Variants in ADK observed in about 807,000 individuals in gnomAD.
ADK encodes N6,N6-dimethyladenosine kinase.
Under a neutral mutation model 44.7 loss-of-function variants are expected in ADK, and 24 were observed. That is an observed-to-expected ratio of 0.54 (90% CI 0.39 to 0.76). The LOEUF (loss-of-function observed/expected upper bound fraction) is 0.76, where lower values mean the gene tolerates loss of function less well. Among genes scored for constraint, ADK ranks in the 30% least tolerant of loss-of-function variants. The probability of loss-of-function intolerance (pLI) is 0.00; values close to 1 mark genes in which losing one functional copy is unlikely to be tolerated. For missense variants in ADK, 321 were observed against 425.1 expected (o/e 0.76, Z 2.15); for synonymous variants, 128 against 142.6 (o/e 0.90, Z 0.73).
chr10:74,348,120 C>G (rs1310025704), intron 4 of ADK, among the ~76,000 whole-genome samples: 1 of 152,172 alleles, frequency 6.6e-6, no homozygotes, highest in Non-Finnish European at 1.5e-5. Flanking sequence ...GTTGAGGAGA[C>G]TCCGTGCCTT....
At chr10:74,521,191 C>A (rs1848819070) in intron 6 of ADK, among the ~76,000 whole-genome samples, 1 of 151,718 alleles carries the variant, frequency 6.6e-6, no homozygotes, top group Admixed American at 6.6e-5. Context: ...GAGCATAAAC[C>A]CCAAATTGTT....
chr10:74,277,034 C>T (rs1420476473), intron 3 of ADK, among the ~76,000 whole-genome samples: 1 of 152,146 alleles, frequency 6.6e-6, no homozygotes, highest in Non-Finnish European at 1.5e-5. Context: ...TCTCCTGCCT[C>T]AGCCTCCGGA....
At chr10:74,332,539 C>T (rs1315005106) in intron 4 of ADK, among the ~76,000 whole-genome samples, 1 of 152,076 alleles carries the variant, frequency 6.6e-6, no homozygotes. Flanking sequence ...TGTGTATTGG[C>T]AGAAAGTAAA....
intron 4 of ADK, among the ~76,000 whole-genome samples, chr10:74,335,279 G>C (rs898319804): frequency 1.3e-5 from 2 of 151,726 alleles, no homozygotes; most frequent in African/African-American, 4.8e-5. Context: ...TTTTTGGCTT[G>C]TTGCCATTGG....
intron 10 of ADK, among the ~76,000 whole-genome samples, chr10:74,704,738 C>T (rs1397025064): frequency 1.3e-5 from 2 of 152,190 alleles, no homozygotes; most frequent in Non-Finnish European, 2.9e-5. Context: ...CTTTTTCTCA[C>T]AATGATCATA....
chr10:74,412,111 C>T (rs1021024836), intron 6 of ADK, among the ~76,000 whole-genome samples: 1 of 152,184 alleles, frequency 6.6e-6, no homozygotes, highest in Non-Finnish European at 1.5e-5. Context: ...TCAAAGTCAT[C>T]CATGAGGGTT....
At chr10:74,420,311 T>C (rs1844515335) in intron 6 of ADK, among the ~76,000 whole-genome samples, 1 of 152,166 alleles carries the variant, frequency 6.6e-6, no homozygotes, top group Non-Finnish European at 1.5e-5. Flanking sequence ...TTATTGTTTT[T>C]CTCTTATCTG....
At chr10:74,339,390 C>T (rs1253285029) in intron 4 of ADK, among the ~76,000 whole-genome samples, 2 of 152,246 alleles carry the variant, frequency 1.3e-5, no homozygotes. Flanking sequence ...AAATTCTTTG[C>T]TGTGAAGTGA....
At chr10:74,385,837 A>G (rs1029942192) in intron 4 of ADK, among the ~76,000 whole-genome samples, 7 of 152,180 alleles carry the variant, frequency 4.6e-5, no homozygotes, top group African/African-American at 1.7e-4. Flanking sequence ...TACTAGGCCT[A>G]ATATTCCCCG....
chr10:74,167,556 G>A (rs1842063936), intron 1 of ADK, among the ~76,000 whole-genome samples: 1 of 152,064 alleles, frequency 6.6e-6, no homozygotes, highest in South Asian at 2.1e-4. Flanking sequence ...GCTCAACTGG[G>A]CTTCTCTTAG....
chr10:74,311,042 T>G (rs79741397), intron 3 of ADK, among the ~76,000 whole-genome samples: 2,934 of 152,288 alleles, frequency 0.019, 74 homozygotes, highest in African/African-American at 0.057. Context: ...CAAAACAGTT[T>G]ATATGCTTAT....
intron 4 of ADK, among the ~76,000 whole-genome samples, chr10:74,351,614 G>C (rs1841966245): frequency 6.6e-6 from 1 of 152,186 alleles, no homozygotes; most frequent in African/African-American, 2.4e-5. Flanking sequence ...AATAGGAATA[G>C]AGGAAGTCAG....
At chr10:74,560,643 T>C (rs1228741607) in intron 7 of ADK, among the ~76,000 whole-genome samples, 2 of 152,246 alleles carry the variant, frequency 1.3e-5, no homozygotes, top group African/African-American at 4.8e-5. Flanking sequence ...TTATGTGTCC[T>C]TATATTTATA....
chr10:74,255,239 A>G (rs1845785026), intron 3 of ADK, among the ~76,000 whole-genome samples: 1 of 152,114 alleles, frequency 6.6e-6, no homozygotes, highest in South Asian at 2.1e-4. Flanking sequence ...TAAGGAATAA[A>G]GTCTTGATTA....
intron 6 of ADK, among the ~76,000 whole-genome samples, chr10:74,520,779 G>C (rs934417882): frequency 2.0e-5 from 3 of 151,974 alleles, no homozygotes; most frequent in South Asian, 2.1e-4. Flanking sequence ...TTCTATTTTA[G>C]TCTGTCCCTA....
At chr10:74,211,963 A>G (rs2132194611) in intron 2 of ADK, among the ~76,000 whole-genome samples, 1 of 152,280 alleles carries the variant, frequency 6.6e-6, no homozygotes, top group South Asian at 2.1e-4. Flanking sequence ...TTAAGTTTGA[A>G]TATTTTCTCT....
At chr10:74,670,834 TAGA>T (rs1855143993) in intron 10 of ADK, among the ~76,000 whole-genome samples, 3 of 51,948 alleles carry the variant, frequency 5.8e-5, no homozygotes, top group Non-Finnish European at 1.1e-4. Context: ...ATCAAAACAA[TAGA>T]AGACTTGGCT....
At chr10:74,380,698 C>T (rs1160688980) in intron 4 of ADK, among the ~76,000 whole-genome samples, 1 of 152,054 alleles carries the variant, frequency 6.6e-6, no homozygotes, top group African/African-American at 2.4e-5. Context: ...GCAGAGGTTG[C>T]AGTGAATCGA....
Position 74,209,522 on chromosome 10 carries a change from C to T in ADK, c.140+8684C>T, listed in dbSNP as rs144757750. Among the ~76,000 whole-genome samples, 235 of 152,108 alleles carry T rather than the reference C, an allele frequency of 1.5e-3. 1 individual carries two copies. Among genetic ancestry groups the T allele is most frequent in the African/African-American group, 5.4e-3 (223 of 41,482 alleles). On this transcript the variant is annotated intron_variant, in intron 2 of 10. Transcript: ENST00000539909. ...CAGCACAAGGGGACCAAGACATATA[C>T]CAAATGAATGAGATATATACTGATT...
Sources: gnomAD v4.1 joint callset for allele counts (sites outside exome capture counted in the v4.1 genomes callset) on GRCh38, gnomAD v4.1.1 for gene constraint, MANE v1.5 for transcripts, NCBI Gene and HGNC (gene_info 2026-07-23, HGNC 2026-07-21) for gene names.